Variants in SKI observed in about 807,000 individuals in gnomAD.
SKI encodes SKI proto-oncogene.
In SKI, 23 loss-of-function variants were observed where a neutral mutation model predicts 59.3. That is an observed-to-expected ratio of 0.39 (90% CI 0.28 to 0.55). The LOEUF (loss-of-function observed/expected upper bound fraction) is 0.55, where lower values mean the gene tolerates loss of function less well. SKI is among the 20% of genes least tolerant of loss of function. The probability of loss-of-function intolerance (pLI) is 0.67; values close to 1 mark genes in which losing one functional copy is unlikely to be tolerated. For missense variants in SKI, 1,017 were observed against 1,038.9 expected, an observed-to-expected ratio of 0.98 and a Z score of 0.29; for synonymous variants, 673 against 488.6, an observed-to-expected ratio of 1.38 and a Z score of -4.98.
chr1:2,302,128 A>C (rs2100914282), intron 1 of SKI, among the ~76,000 whole-genome samples: 1 of 152,182 alleles, frequency 6.6e-6, no homozygotes, highest in East Asian at 1.9e-4. Context: ...CACATCACTC[A>C]CTGGCTCTTG....
At chr1:2,275,577 G>A (rs1209573624) in intron 1 of SKI, among the ~76,000 whole-genome samples, 5 of 152,224 alleles carry the variant, frequency 3.3e-5, no homozygotes, top group African/African-American at 7.2e-5. Flanking sequence ...GCAGTGGCGC[G>A]ATCTCGGCTC....
intron 1 of SKI, among the ~76,000 whole-genome samples, chr1:2,230,625 G>A (rs554247663): frequency 2.0e-5 from 3 of 152,294 alleles, no homozygotes; most frequent in South Asian, 4.1e-4. Context: ...TATGGGATCC[G>A]GCATGGGCAG....
chr1:2,294,586 C>T, intron 1 of SKI, among the ~76,000 whole-genome samples: 1 of 152,272 alleles, frequency 6.6e-6, no homozygotes, highest in East Asian at 1.9e-4. Flanking sequence ...GTCACGTCCT[C>T]CACTGAACGT....
At position 2,234,507 on chromosome 1, in the gene SKI, C is replaced by T. The variant is rs928858397; in HGVS notation, c.969+4772C>T. On this transcript the variant is annotated intron_variant, in intron 1 of 6. Transcript: ENST00000378536. ...CAGACAGGATATGGTGCGAGGAAGT[C>T]TGGGGTAAGTGTGAGCCGAACCCCG... Among the ~76,000 whole-genome samples, 3 of 152,292 alleles carry T rather than the reference C, an allele frequency of 2.0e-5. No individual in the cohort carries two copies. The South Asian group carries it at 6.2e-4, about 32-fold the overall frequency.
intron 1 of SKI, among the ~76,000 whole-genome samples, chr1:2,293,205 C>T (rs990727156): frequency 7.9e-5 from 12 of 152,298 alleles, no homozygotes; most frequent in African/African-American, 1.4e-4. Flanking sequence ...GGGTTCTGGC[C>T]ACCACAGGGC....
chr1:2,233,081 C>T (rs758291480), intron 1 of SKI, among the ~76,000 whole-genome samples: 11 of 152,198 alleles, frequency 7.2e-5, no homozygotes, highest in Non-Finnish European at 1.2e-4. Flanking sequence ...CTGCCTGGGA[C>T]GCGGCCCCTT....
chr1:2,257,708 G>T (rs1000779960), intron 1 of SKI, among the ~76,000 whole-genome samples: 5 of 152,162 alleles, frequency 3.3e-5, no homozygotes, highest in East Asian at 3.9e-4. Context: ...ATTTGCAAAA[G>T]ATTTTTATAT....
At chr1:2,271,289 C>G (rs112836906) in intron 1 of SKI, among the ~76,000 whole-genome samples, 193 of 152,256 alleles carry the variant, frequency 1.3e-3, no homozygotes, top group African/African-American at 4.5e-3. Flanking sequence ...GTCCTCCCCT[C>G]AGAAGAGTCT....
chr1:2,264,576 T>C (rs1176468745), intron 1 of SKI, among the ~76,000 whole-genome samples: 1 of 151,614 alleles, frequency 6.6e-6, no homozygotes, highest in Non-Finnish European at 1.5e-5. Context: ...GCCTGTTTTA[T>C]TTTTTTGTAG....
chr1:2,282,627 C>G (rs950639236), intron 1 of SKI, among the ~76,000 whole-genome samples: 3 of 152,194 alleles, frequency 2.0e-5, no homozygotes, highest in Non-Finnish European at 4.4e-5. Flanking sequence ...CCATGGAAAG[C>G]CTTGCTTCCC....
intron 1 of SKI, among the ~76,000 whole-genome samples, chr1:2,290,470 A>G (rs866850052): frequency 6.6e-6 from 1 of 152,152 alleles, no homozygotes; most frequent in South Asian, 2.1e-4. Flanking sequence ...GGCATCTGAG[A>G]TGAGGCCCCA....
At chr1:2,254,931 G>T (rs1344608686) in intron 1 of SKI, among the ~76,000 whole-genome samples, 1 of 152,160 alleles carries the variant, frequency 6.6e-6, no homozygotes, top group East Asian at 1.9e-4. Flanking sequence ...GTGCACTTGG[G>T]TGCAGGTGGC....
rs899205072 is a variant in SKI at position 2,228,338 on chromosome 1, G to T, written c.-429G>T. 1.3e-4 allele frequency among the ~76,000 whole-genome samples: 19 copies of T among 142,770 alleles called. No homozygotes were observed. The highest frequency in any genetic ancestry group is 2.9e-4 in the Non-Finnish European group (19 of 64,436). The allele number at this position is 142,770 out of a possible 152,430, so 93.7% of individuals were successfully genotyped here. ...GCCCCCGCTCCTCCCGGGCCCCTCG[G>T]CCTCGGCCGCCGCGGCGATTCGCGC... On this transcript the variant is annotated 5_prime_UTR_variant, in exon 1 of 7. Coordinates refer to ENST00000378536, the MANE Select transcript of SKI (RefSeq NM_003036.4).
At chr1:2,300,379 C>T (rs923006575) in intron 1 of SKI, among the ~76,000 whole-genome samples, 2 of 151,702 alleles carry the variant, frequency 1.3e-5, no homozygotes, top group South Asian at 2.1e-4. Flanking sequence ...GCTCCAAGGG[C>T]GGGTTTTGAA....
chr1:2,283,465 G>T (rs1289834338), intron 1 of SKI, among the ~76,000 whole-genome samples: 2 of 152,222 alleles, frequency 1.3e-5, no homozygotes, highest in African/African-American at 4.8e-5. Context: ...TTTCTAGGGA[G>T]GGCCCTGTGA....
chr1:2,235,116 C>T (rs541997717), intron 1 of SKI, among the ~76,000 whole-genome samples: 2 of 151,202 alleles, frequency 1.3e-5, no homozygotes, highest in South Asian at 4.2e-4. Context: ...GATCTTGGCT[C>T]ACTGCAGCCT....
At chr1:2,293,386 C>A (rs918385469) in intron 1 of SKI, among the ~76,000 whole-genome samples, 50 of 152,068 alleles carry the variant, frequency 3.3e-4, no homozygotes, top group African/African-American at 1.2e-3. Flanking sequence ...GGGTTGGGGC[C>A]TGCGGATGTC....
In SKI at chr1:2,278,160, C is replaced by G. The variant is rs1569794268; in HGVS notation, c.970-24818C>G. Among the ~76,000 whole-genome samples, 3 of 152,334 alleles carry G rather than the reference C, an allele frequency of 2.0e-5. No homozygotes were observed. In the South Asian group the frequency reaches 6.2e-4, roughly 32 times the overall value. The stretch of plus-strand genomic sequence containing the variant: ...CCAGTGTCCCCTGGACCCACTTGCT[C>G]CCAGCCTTGGGTCCCAAAGTGCTGC... On this transcript the variant is annotated intron_variant, in intron 1 of 6. Coordinates refer to ENST00000378536, the MANE Select transcript of SKI (RefSeq NM_003036.4).
In SKI at chr1:2,303,361, A is replaced by T; in HGVS notation, c.1172A>T (p.Lys391Ile). 2 of 1,613,622 alleles carry T rather than the reference A, an allele frequency of 1.2e-6. No homozygotes were observed. The highest frequency in any genetic ancestry group is 8.5e-7 in the Non-Finnish European group (1 of 1,180,008). ...PWSPAVSASE[K>I]ELSPHLPALI... ...TCCCCCGCAGTGTCAGCGAGTGAGA[A>T]AGAGCTCTCCCCACACCTCCCGGCC... is the stretch of plus-strand genomic sequence containing the variant. Residue 391 changes from lysine to isoleucine, a missense_variant, in exon 3 of 7, where the codon AAA (lysine) becomes ATA (isoleucine). By Grantham distance (102) the Lys-to-Ile change is moderately radical. Coordinates refer to ENST00000378536, the MANE Select transcript of SKI (RefSeq NM_003036.4). The surrounding 1 kb of genome is among the most constrained non-coding windows in gnomAD (Gnocchi z 5.6).
Sources: allele counts gnomAD v4.1 joint callset (sites outside exome capture counted in the v4.1 genomes callset), GRCh38; gene constraint gnomAD v4.1.1; non-coding constraint Gnocchi (gnomAD v3.1); transcripts MANE v1.5; gene names NCBI Gene and HGNC (gene_info 2026-07-23, HGNC 2026-07-21).